The following MALRD1 variants were observed in gnomAD, a reference collection of about 807,000 sequenced individuals.
MALRD1 encodes MAM and LDL receptor class A domain containing 1.
Under a neutral mutation model 242.1 loss-of-function variants are expected in MALRD1, and 247 were observed. The observed-to-expected ratio is 1.02, with a 90% CI of 0.92 to 1.13. The LOEUF (loss-of-function observed/expected upper bound fraction) is 1.13, where lower values mean the gene tolerates loss of function less well. MALRD1 is among the 50% of genes most tolerant of loss of function. MALRD1 has a pLI of 0.00. For missense variants in MALRD1, 2,989 were observed against 2,533.1 expected, an observed-to-expected ratio of 1.18 and a Z score of -3.86; for synonymous variants, 995 against 866.6, an observed-to-expected ratio of 1.15 and a Z score of -2.60.
intron 18 of MALRD1, among the ~76,000 whole-genome samples, chr10:19,230,191 A>C (rs1837988943): frequency 6.6e-6 from 1 of 152,130 alleles, no homozygotes; most frequent in Non-Finnish European, 1.5e-5. Flanking sequence ...TTTTCTTTAT[A>C]AATTACCCAG....
intron 30 of MALRD1, 142 bp from the exon 31 acceptor site, chr10:19,498,339 CAATG>C: frequency 1.5e-6 from 1 of 685,632 alleles, no homozygotes; most frequent in Non-Finnish European, 2.3e-6. Flanking sequence ...AAAATATTAA[CAATG>C]AGTACAAATG....
chr10:19,331,600 G>A lies in MALRD1; in HGVS notation c.3901+18G>A, dbSNP rs890651299. On this transcript the variant is annotated intron_variant, in intron 24 of 39. Transcript: ENST00000454679. ...CATTTGCCGTAAGTAAAAGGGTTCT[G>A]TTTTCTTACTTTTGCCTTCAACTCC... 8.4e-6 allele frequency: 13 copies of A among 1,542,686 alleles called. No individual in the cohort carries two copies. The highest frequency in any genetic ancestry group is 1.4e-5 in the African/African-American group (1 of 72,846).
chr10:19,449,455 T>C (rs981274775), intron 28 of MALRD1, among the ~76,000 whole-genome samples: 2 of 152,220 alleles, frequency 1.3e-5, no homozygotes, highest in Non-Finnish European at 2.9e-5. Flanking sequence ...CTCTAAAAAT[T>C]CCAAAATACG....
intron 5 of MALRD1, among the ~76,000 whole-genome samples, chr10:19,114,690 C>T (rs545369119): frequency 1.4e-4 from 22 of 152,232 alleles, no homozygotes; most frequent in Admixed American, 5.2e-4. Context: ...ATGCACCTGC[C>T]CTACACACCT....
chr10:19,578,716 A>G (rs1398467067), intron 33 of MALRD1, among the ~76,000 whole-genome samples: 1 of 149,760 alleles, frequency 6.7e-6, no homozygotes, highest in Admixed American at 6.6e-5. Context: ...TTTTTTTTTC[A>G]CAGTACACAT....
chr10:19,497,306 A>G (rs1837765875), intron 30 of MALRD1, among the ~76,000 whole-genome samples: 1 of 146,562 alleles, frequency 6.8e-6, no homozygotes, highest in Non-Finnish European at 1.5e-5. Flanking sequence ...CCTATTCTAT[A>G]TTATATAACA....
chr10:19,481,786 C>T (rs1356528786), intron 29 of MALRD1, among the ~76,000 whole-genome samples: 3 of 152,094 alleles, frequency 2.0e-5, no homozygotes, highest in South Asian at 2.1e-4. Flanking sequence ...GACCAGCTAG[C>T]ATGGTAGGTA....
chr10:19,664,031 A>G (rs985224260), intron 36 of MALRD1, among the ~76,000 whole-genome samples: 1 of 152,048 alleles, frequency 6.6e-6, no homozygotes, highest in Non-Finnish European at 1.5e-5. Flanking sequence ...GAGGGAATTC[A>G]TCCCTAAGTG....
chr10:19,514,755 G>C (rs148519635), intron 31 of MALRD1, among the ~76,000 whole-genome samples: 1 of 152,206 alleles, frequency 6.6e-6, no homozygotes, highest in Non-Finnish European at 1.5e-5. Flanking sequence ...AAATTATCTT[G>C]ATAAAACACA....
At chr10:19,586,072 T>G (rs1837378724) in intron 33 of MALRD1, among the ~76,000 whole-genome samples, 1 of 152,208 alleles carries the variant, frequency 6.6e-6, no homozygotes, top group African/African-American at 2.4e-5. Context: ...GGTTTTCAGC[T>G]CCATCAGCTC....
intron 26 of MALRD1, among the ~76,000 whole-genome samples, chr10:19,377,416 A>G (rs996033658): frequency 1.3e-5 from 2 of 152,276 alleles, no homozygotes; most frequent in Middle Eastern, 3.4e-3. Context: ...TTGAGAATGG[A>G]TTCTGGAACT....
chr10:19,239,980 G>C (rs1451365081), intron 18 of MALRD1, among the ~76,000 whole-genome samples: 3 of 151,948 alleles, frequency 2.0e-5, no homozygotes, highest in Admixed American at 2.0e-4. Flanking sequence ...TGGTTATTTG[G>C]GGCCTTTTCT....
chr10:19,425,381 T>A (rs1833866231), intron 28 of MALRD1, among the ~76,000 whole-genome samples: 1 of 152,200 alleles, frequency 6.6e-6, no homozygotes, highest in Admixed American at 6.5e-5. Context: ...CAGTGACTAT[T>A]AAGGAATAGT....
intron 1 of MALRD1, among the ~76,000 whole-genome samples, chr10:19,054,063 C>T (rs1435507053): frequency 1.3e-5 from 2 of 151,846 alleles, no homozygotes; most frequent in African/African-American, 4.8e-5. Flanking sequence ...TATTAACATG[C>T]TTATCAAGGG....
chr10:19,159,563 C>A (rs571205368), intron 12 of MALRD1, among the ~76,000 whole-genome samples: 1 of 150,936 alleles, frequency 6.6e-6, no homozygotes, highest in African/African-American at 2.4e-5. Context: ...GGAATTAGAA[C>A]GAAGTCCACA....
chr10:19,408,252 A>C (rs1238086394), intron 28 of MALRD1, among the ~76,000 whole-genome samples: 1 of 152,158 alleles, frequency 6.6e-6, no homozygotes, highest in Non-Finnish European at 1.5e-5. Context: ...GGTAAGGAAT[A>C]GGAATTGGTC....
At chr10:19,629,770 A>G (rs1032793767) in intron 36 of MALRD1, among the ~76,000 whole-genome samples, 1 of 152,036 alleles carries the variant, frequency 6.6e-6, no homozygotes, top group Non-Finnish European at 1.5e-5. Flanking sequence ...GAATTTCACA[A>G]TTTCCCCAAT....
rs77798414 is a variant in MALRD1, at chr10:19,232,698, A to G, written c.2991+23018A>G. On this transcript the variant is annotated intron_variant, in intron 18 of 39. Transcript: ENST00000454679. Reference sequence around the variant, plus strand: ...TAGATTATAATTACCTAAAGAATAGAGAACAATTTCATATAATTTTCAGTG... The same window carrying G: ...TAGATTATAATTACCTAAAGAATAGGGAACAATTTCATATAATTTTCAGTG... Among the ~76,000 whole-genome samples the G allele has an allele frequency of 8.3e-3, 1,257 of 152,310 alleles. 19 individuals carry two copies. Among genetic ancestry groups the G allele is most frequent in the African/African-American group, 0.029 (1,188 of 41,560 alleles).
chr10:19,253,491 G>A (rs528283660), intron 18 of MALRD1, among the ~76,000 whole-genome samples: 5 of 152,026 alleles, frequency 3.3e-5, no homozygotes, highest in African/African-American at 1.2e-4. Context: ...TTGGGATTCA[G>A]AGGATCAGCT....
Sources: gnomAD v4.1 joint callset for allele counts (sites outside exome capture counted in the v4.1 genomes callset) on GRCh38, gnomAD v4.1.1 for gene constraint, MANE v1.5 for transcripts, NCBI Gene and HGNC (gene_info 2026-07-23, HGNC 2026-07-21) for gene names.